The following MSH3 variants were observed in gnomAD, a reference collection of about 807,000 sequenced individuals.
The protein encoded by MSH3 is mutS homolog 3.
A neutral mutation model predicts 123.3 loss-of-function variants in MSH3; 106 were observed. The ratio of observed to expected loss-of-function variants is 0.86; its 90% CI spans 0.73 to 1.01. MSH3 has a LOEUF of 1.01. Ranked by LOEUF, MSH3 falls within the 50% of genes least tolerant of loss-of-function variation. MSH3 has a pLI of 0.00. For missense variants in MSH3, 1,459 were observed against 1,347.6 expected (o/e 1.08, Z -1.29); for synonymous variants, 515 against 481.4 (o/e 1.07, Z -0.91).
chr5:80,744,409 C>A, intron 11 of MSH3, 97 bp from the exon 12 acceptor site: 2 of 825,482 alleles, frequency 2.4e-6, no homozygotes, highest in Non-Finnish European at 4.1e-6. Context: ...CCACATTGTG[C>A]TAGGTATATA....
chr5:80,715,957 G>C (rs968430846), intron 8 of MSH3, among the ~76,000 whole-genome samples: 3 of 152,086 alleles, frequency 2.0e-5, no homozygotes, highest in African/African-American at 7.2e-5. Flanking sequence ...CCTGATCACA[G>C]AAATGGGGAG....
chr5:80,825,846 A>G (rs758183690), intron 20 of MSH3, among the ~76,000 whole-genome samples: 6 of 152,104 alleles, frequency 3.9e-5, no homozygotes, highest in Non-Finnish European at 5.9e-5. Flanking sequence ...TTTTTTGTTA[A>G]TGCTAGGGAC....
chr5:80,657,095 C>CT (rs1007696351), intron 2 of MSH3, among the ~76,000 whole-genome samples: 208 of 151,872 alleles, frequency 1.4e-3, no homozygotes, highest in African/African-American at 4.7e-3. Context: ...ACTCTCCCCG[C>CT]TTTTTTTTGC....
chr5:80,677,560 T>G (rs966903965), intron 7 of MSH3, among the ~76,000 whole-genome samples: 2 of 152,210 alleles, frequency 1.3e-5, no homozygotes, highest in Non-Finnish European at 2.9e-5. Flanking sequence ...GCCTCTGGGC[T>G]AGAATTAAGG....
intron 19 of MSH3, among the ~76,000 whole-genome samples, chr5:80,797,093 C>T (rs568197862): frequency 6.6e-6 from 1 of 151,492 alleles, no homozygotes; most frequent in African/African-American, 2.4e-5. Context: ...CCAACACCCA[C>T]CCGACTCCCC....
intron 21 of MSH3, among the ~76,000 whole-genome samples, chr5:80,854,938 C>T (rs1277038678): frequency 6.6e-6 from 1 of 152,168 alleles, no homozygotes; most frequent in East Asian, 1.9e-4. Context: ...GCCATTTCCA[C>T]TTTGTGAAAT....
At chr5:80,851,771 A>G (rs537970134) in intron 20 of MSH3, among the ~76,000 whole-genome samples, 61 of 152,344 alleles carry the variant, frequency 4.0e-4, no homozygotes, top group Non-Finnish European at 7.1e-4. Context: ...TATGGCTTAT[A>G]TAGGGACACA....
At chr5:80,702,999 G>A (rs928005276) in intron 8 of MSH3, among the ~76,000 whole-genome samples, 3 of 152,182 alleles carry the variant, frequency 2.0e-5, no homozygotes, top group Non-Finnish European at 2.9e-5. Flanking sequence ...GCGACAGAGC[G>A]AGACAAGCAA....
chr5:80,845,046 TC>T (rs1041159376), intron 20 of MSH3, among the ~76,000 whole-genome samples: 32 of 152,332 alleles, frequency 2.1e-4, no homozygotes, highest in African/African-American at 6.3e-4. Flanking sequence ...TACTGATTGT[TC>T]CTTTCCATGT....
At position 80,675,050 on chromosome 5, in the gene MSH3, C is replaced by G. The variant is rs1580553740; in HGVS notation, c.1095C>G (p.Thr365=). The change falls in exon 7 of 24, where the codon ACC becomes ACG. Residue 365 remains threonine (T), a synonymous_variant. Transcript: ENST00000265081. ...NVDEIMTDTS[T]SYLLCISENK... ...ATGAGATAATGACTGATACTTCTAC[C>G]AGCTATCTTCTGTGCATCTCTGAAA... 1.2e-6 allele frequency: 2 copies of G among 1,612,836 alleles called. No homozygotes were observed. Among genetic ancestry groups the G allele is most frequent in the Admixed American group, 3.3e-5 (2 of 59,960 alleles).
chr5:80,789,014 C>T (rs753736031), intron 18 of MSH3, among the ~76,000 whole-genome samples: 6 of 151,962 alleles, frequency 3.9e-5, no homozygotes, highest in Admixed American at 6.6e-5. Context: ...TGCCAGGAAG[C>T]GTTTTGTCAT....
At chr5:80,840,772 G>A (rs1055943134) in intron 20 of MSH3, among the ~76,000 whole-genome samples, 3 of 151,330 alleles carry the variant, frequency 2.0e-5, no homozygotes, top group Admixed American at 6.6e-5. Context: ...AGGCCCCGGT[G>A]TGTGATGTTC....
At chr5:80,784,270 A>C (rs1744465438) in intron 17 of MSH3, among the ~76,000 whole-genome samples, 1 of 150,278 alleles carries the variant, frequency 6.7e-6, no homozygotes, top group Non-Finnish European at 1.5e-5. Context: ...AATAAAGTCG[A>C]AGCCAGAGCA....
At chr5:80,856,964 G>A (rs551383142) in intron 21 of MSH3, among the ~76,000 whole-genome samples, 25 of 152,148 alleles carry the variant, frequency 1.6e-4, no homozygotes, top group South Asian at 6.2e-4. Context: ...AAAGGATATC[G>A]TTGCCTTGTT....
intron 22 of MSH3, among the ~76,000 whole-genome samples, chr5:80,865,573 T>C (rs1746084978): frequency 6.6e-6 from 1 of 152,208 alleles, no homozygotes; most frequent in Non-Finnish European, 1.5e-5. Flanking sequence ...GTTACTGGTG[T>C]CACAGAAATG....
intron 9 of MSH3, 151 bp from the exon 10 acceptor site, chr5:80,728,700 A>G: frequency 1.8e-6 from 1 of 562,398 alleles, no homozygotes; most frequent in Non-Finnish European, 3.1e-6. Context: ...TTTAGGAGAT[A>G]TTGTCCAAAT....
chr5:80,672,408 C>A, intron 5 of MSH3, 48 bp downstream of exon 5: 1 of 1,359,534 alleles, frequency 7.4e-7, no homozygotes, highest in Non-Finnish European at 1.1e-6. Flanking sequence ...GGATTCTCCT[C>A]CAGAGAGTGC....
chr5:80,714,073 A>G (rs1409158439), intron 8 of MSH3, among the ~76,000 whole-genome samples: 2 of 151,522 alleles, frequency 1.3e-5, no homozygotes, highest in Non-Finnish European at 2.9e-5. Flanking sequence ...TTTTCCTAAA[A>G]TCTATGTGAC....
chr5:80,754,823 T>C (rs1743896554), intron 12 of MSH3, among the ~76,000 whole-genome samples: 1 of 152,212 alleles, frequency 6.6e-6, no homozygotes, highest in South Asian at 2.1e-4. Context: ...TTTGGAGTAT[T>C]AATGGTTGTA....
Sources: gnomAD v4.1 joint callset for allele counts (sites outside exome capture counted in the v4.1 genomes callset) on GRCh38, gnomAD v4.1.1 for gene constraint, MANE v1.5 for transcripts, NCBI Gene and HGNC (gene_info 2026-07-23, HGNC 2026-07-21) for gene names.